Variants in SARDH observed in about 807,000 individuals in gnomAD.
The protein encoded by SARDH is sarcosine dehydrogenase, mitochondrial.
A neutral mutation model predicts 109.1 loss-of-function variants in SARDH; 95 were observed. The ratio of observed to expected loss-of-function variants is 0.87; its 90% CI spans 0.74 to 1.03. SARDH has a LOEUF of 1.03. SARDH is among the 50% of genes least tolerant of loss of function. The pLI, the probability that SARDH is intolerant of heterozygous loss-of-function variation, is 0.00. For missense variants in SARDH, 1,267 were observed against 1,287.8 expected (o/e 0.98, Z 0.25); for synonymous variants, 572 against 534.8 (o/e 1.07, Z -0.96).
Position 133,692,932 on chromosome 9 carries a change from G to C in SARDH, c.1921+1326C>G, listed in dbSNP as rs10116161. The stretch of plus-strand genomic sequence containing the variant: ...CACTCACGCTCTCAGCCTCATCTCC[G>C]CCACCAGCCTCCAGACCGCAGGGCT... On this transcript the variant is annotated intron_variant, in intron 15 of 20. Transcript: ENST00000439388. This position sits in a 1 kb window ranked among gnomAD's most constrained non-coding sequence, Gnocchi z 5.0. 5.9e-5 allele frequency among the ~76,000 whole-genome samples: 9 copies of C among 151,950 alleles called. No individual in the cohort carries two copies. Among genetic ancestry groups the C allele is most frequent in the Admixed American group, 3.3e-4 (5 of 15,260 alleles).
chr9:133,685,763 C>T (rs1830863486), intron 16 of SARDH, among the ~76,000 whole-genome samples: 1 of 152,190 alleles, frequency 6.6e-6, no homozygotes, highest in African/African-American at 2.4e-5. Context: ...CTATGGTGGC[C>T]TCAGTGCTGT....
rs746475050 is a variant in SARDH at position 133,734,101 on chromosome 9, G to A, written c.73C>T (p.Pro25Ser). The change falls in exon 2 of 21, where the codon CCA becomes TCA. Residue 25 changes from proline to serine, a missense_variant. Transcript: ENST00000439388. ...PRQSPTRGMG[P>S]CNLSSAAGPT... ...CCAGCTGCGCTGGACAGGTTGCATG[G>A]CCCCATGCCCCGGGTAGGGCTCTGG... is the stretch of plus-strand genomic sequence containing the variant. The A allele has an allele frequency of 3.8e-5, 61 of 1,612,374 alleles. No individual in the cohort carries two copies. Among genetic ancestry groups the A allele is most frequent in the Non-Finnish European group, 4.9e-5 (58 of 1,179,768 alleles).
intron 6 of SARDH, among the ~76,000 whole-genome samples, chr9:133,723,752 G>A (rs28610198): frequency 0.021 from 3,157 of 152,270 alleles, 102 homozygotes; most frequent in African/African-American, 0.072. Flanking sequence ...AAAAGAGCGA[G>A]ACGCTGTCTC....
intron 17 of SARDH, among the ~76,000 whole-genome samples, chr9:133,677,483 G>A (rs934930718): frequency 3.9e-5 from 6 of 152,158 alleles, no homozygotes; most frequent in African/African-American, 7.2e-5. Context: ...AGACCAAGGT[G>A]AGGGGAACTC....
downstream of SARDH, among the ~76,000 whole-genome samples, chr9:133,662,120 AGGGGCGGG>A (rs1365110244): frequency 6.6e-6 from 1 of 151,864 alleles, no homozygotes; most frequent in Non-Finnish European, 1.5e-5. The surrounding 1 kb of genome is among the most constrained non-coding windows in gnomAD (Gnocchi z 5.1). Flanking sequence ...CTCTCTCCAC[AGGGGCGGG>A]GGAAGCACAC....
Position 133,666,755 on chromosome 9 carries a change from G to C in SARDH, c.2611C>G (p.His871Asp). 3.1e-6 allele frequency: 5 copies of C among 1,597,696 alleles called. No individual in the cohort carries two copies. Among genetic ancestry groups the C allele is most frequent in the Non-Finnish European group, 4.3e-6 (5 of 1,172,464 alleles). Reference protein sequence around the residue: ...IDKTIAYGYIHDPSGGPVSLD... With the variant: ...IDKTIAYGYIDDPSGGPVSLD... ...CTCACCGGCCCACCGCTGGGGTCAT[G>C]GATGTAACCGTAGGCGATGGTCTTG... is the stretch of plus-strand genomic sequence containing the variant. Residue 871 changes from histidine (H) to aspartate (D), a missense_variant, in exon 20 of 21, where the codon CAT (histidine) becomes GAT (aspartate). Physicochemically the swap from His to Asp is moderately conservative, Grantham distance 81. Transcript: ENST00000439388. The surrounding 1 kb of genome is among the most constrained non-coding windows in gnomAD (Gnocchi z 5.2).
chr9:133,671,685 G>A lies in SARDH; in HGVS notation c.2176C>T (p.Arg726Trp), dbSNP rs1230755168. The change falls in exon 18 of 21, where the codon CGG becomes TGG. Residue 726 changes from arginine (R) to tryptophan (W), a missense_variant. Transcript: ENST00000439388. Reference sequence around the variant, plus strand: ...CCCAGCTCCCCCACAAAGGACAGCCGCATGGCTCGGACCTGGGGGACAAGG... The same window carrying A: ...CCCAGCTCCCCCACAAAGGACAGCCACATGGCTCGGACCTGGGGGACAAGG... ...RAAGHLVRAM[R>W]LSFVGELGWE... 19 of 1,575,148 alleles carry A rather than the reference G, an allele frequency of 1.2e-5. No homozygotes were observed. Among genetic ancestry groups the A allele is most frequent in the Admixed American group, 3.7e-5 (2 of 54,500 alleles).
chr9:133,681,032 A>G (rs1588393972), intron 17 of SARDH, among the ~76,000 whole-genome samples: 1 of 152,338 alleles, frequency 6.6e-6, no homozygotes, highest in South Asian at 2.1e-4. Flanking sequence ...TCTGTGCGCT[A>G]AGGTCGTCTG....
Position 133,718,495 on chromosome 9 carries a change from C to G in SARDH, c.1020+443G>C. Reference sequence around the variant, plus strand: ...TTTTAGCCCAAAGTAGCCACTCAGTCGTTCCATGTGTGGACTAAATGCATA... The same window carrying G: ...TTTTAGCCCAAAGTAGCCACTCAGTGGTTCCATGTGTGGACTAAATGCATA... On this transcript the variant is annotated intron_variant, in intron 7 of 20. Transcript: ENST00000439388. This position sits in a 1 kb window ranked among gnomAD's most constrained non-coding sequence, Gnocchi z 4.2. 1 of 532,350 alleles carries G rather than the reference C, an allele frequency of 1.9e-6. No individual in the cohort carries two copies. 33.0% of individuals were successfully genotyped at this position (532,350 alleles called of 1,614,324 possible).
At chr9:133,734,411 ATT>A (rs1832806517) in intron 1 of SARDH, among the ~76,000 whole-genome samples, 7 of 113,620 alleles carry the variant, frequency 6.2e-5, no homozygotes, top group South Asian at 5.8e-4. Flanking sequence ...TCATTCACTC[ATT>A]CATTCATTCA....
Position 133,696,308 on chromosome 9 carries a change from G to A in SARDH, c.1722C>T (p.Ser574=). 6.2e-7 allele frequency: 1 copy of A among 1,614,166 alleles called. No homozygotes were observed. Among genetic ancestry groups the A allele is most frequent in the East Asian group, 2.2e-5 (1 of 44,882 alleles). ...CCACCAGGTAGAACTTCCCGAAGTA[G>A]GACATGTCAAACACAGCGGCGGCCC... ...CRGAAAVFDM[S]YFGKFYLVGL... is the part of the protein sequence containing the mutation. Residue 574 remains serine (S), a synonymous_variant, in exon 14 of 21, where the codon TCC becomes TCT. Transcript: ENST00000439388.
chr9:133,693,949 TTGGTACGCTTTGTTC>T lies in SARDH; in HGVS notation c.1921+294_1921+308del, dbSNP rs1193868728. Among the ~76,000 whole-genome samples, 6 of 152,022 alleles carry T rather than the reference TTGGTACGCTTTGTTC, an allele frequency of 3.9e-5. No homozygotes were observed. Among genetic ancestry groups the T allele is most frequent in the Non-Finnish European group, 5.9e-5 (4 of 67,932 alleles). On this transcript the variant is annotated intron_variant, in intron 15 of 20. Coordinates refer to ENST00000439388, the MANE Select transcript of SARDH (RefSeq NM_001134707.2). The surrounding 1 kb of genome is among the most constrained non-coding windows in gnomAD (Gnocchi z 5.6). The stretch of plus-strand genomic sequence containing the variant: ...TTTGAGTGGGAGGCACGGCCTAGCA[TTGGTACGCTTTGTTC>T]CGGGAAACCGAGCCGAGCACGCCCA...
At position 133,666,669 on chromosome 9, in the gene SARDH, G is replaced by A; in HGVS notation, c.2631+66C>T. 6.5e-7 allele frequency: 1 copy of A among 1,548,962 alleles called. No homozygotes were observed. The highest frequency in any genetic ancestry group is 1.4e-5 in the African/African-American group (1 of 73,264). On this transcript the variant is annotated intron_variant, in intron 20 of 20. Transcript: ENST00000439388. The surrounding 1 kb of genome is among the most constrained non-coding windows in gnomAD (Gnocchi z 5.2). Reference sequence around the variant, plus strand: ...CCCGGCACACTCAGGGTGCAGTGCAGGGAGCTGGTTTGGAGCTGGTGAGGG... The same window carrying A: ...CCCGGCACACTCAGGGTGCAGTGCAAGGAGCTGGTTTGGAGCTGGTGAGGG...
chr9:133,710,023 G>A (rs1010818423), intron 10 of SARDH, among the ~76,000 whole-genome samples: 19 of 152,238 alleles, frequency 1.2e-4, no homozygotes, highest in African/African-American at 3.6e-4. Context: ...CTGCCAATTC[G>A]GCCTGTGAGC....
rs553862418 is a variant in SARDH at position 133,728,495 on chromosome 9, G to A, written c.915+1270C>T. Among the ~76,000 whole-genome samples, 6 of 152,250 alleles carry A rather than the reference G, an allele frequency of 3.9e-5. No individual in the cohort carries two copies. Among genetic ancestry groups the A allele is most frequent in the Admixed American group, 2.6e-4 (4 of 15,304 alleles). The stretch of plus-strand genomic sequence containing the variant: ...CTCTGAACGGCCATGCTCTGTGCAC[G>A]CTCCTTGTCCACCATGCCACCCTCA... On this transcript the variant is annotated intron_variant, in intron 6 of 20. Coordinates refer to ENST00000439388, the MANE Select transcript of SARDH (RefSeq NM_001134707.2). The surrounding 1 kb of genome is among the most constrained non-coding windows in gnomAD (Gnocchi z 5.0).
chr9:133,739,412 A>G (rs529415577), upstream of SARDH, among the ~76,000 whole-genome samples: 25 of 152,190 alleles, frequency 1.6e-4, no homozygotes, highest in Non-Finnish European at 3.2e-4. Flanking sequence ...AATGTGTACA[A>G]AGCACTGCTG....
chr9:133,695,437 C>T (rs1009591577), intron 14 of SARDH, among the ~76,000 whole-genome samples: 8 of 152,060 alleles, frequency 5.3e-5, no homozygotes, highest in African/African-American at 1.4e-4. Context: ...AGCGAGACTC[C>T]GTCTCAAAAC....
In SARDH at chr9:133,692,481, C is replaced by T. The variant is rs187966949; in HGVS notation, c.1921+1777G>A. ...CAGGTCACACTGGTTCTCACCTCTA[C>T]ACCCTTGTAGCCAGTGGCTCCTCCC... is the stretch of plus-strand genomic sequence containing the variant. On this transcript the variant is annotated intron_variant, in intron 15 of 20. Coordinates refer to ENST00000439388, the MANE Select transcript of SARDH (RefSeq NM_001134707.2). The surrounding 1 kb of genome is among the most constrained non-coding windows in gnomAD (Gnocchi z 5.0). Among the ~76,000 whole-genome samples, 2 of 152,276 alleles carry T rather than the reference C, an allele frequency of 1.3e-5. No homozygotes were observed. The highest frequency in any genetic ancestry group is 4.8e-5 in the African/African-American group (2 of 41,534).
intron 15 of SARDH, among the ~76,000 whole-genome samples, chr9:133,691,825 T>G (rs2131384547): frequency 6.6e-6 from 1 of 152,232 alleles, no homozygotes; most frequent in South Asian, 2.1e-4. Context: ...AAAGCCCACA[T>G]GGTGGTTTTC....
Sources: gnomAD v4.1 joint callset for allele counts (sites outside exome capture counted in the v4.1 genomes callset) on GRCh38, gnomAD v4.1.1 for gene constraint, Gnocchi (gnomAD v3.1) non-coding constraint, MANE v1.5 for transcripts, NCBI Gene and HGNC (gene_info 2026-07-23, HGNC 2026-07-21) for gene names.